SEMA6D: variants seen among roughly 807,000 people sequenced by gnomAD.
SEMA6D encodes the protein semaphorin 6D.
Under a neutral mutation model 106.6 loss-of-function variants are expected in SEMA6D, and 35 were observed. The observed-to-expected ratio is 0.33, with a 90% CI of 0.25 to 0.44. The LOEUF is 0.44. Among genes scored for constraint, SEMA6D ranks in the 20% least tolerant of loss-of-function variants. SEMA6D has a pLI of 1.00. For missense variants in SEMA6D, 1,185 were observed against 1,345.9 expected, an observed-to-expected ratio of 0.88 and a Z score of 1.87; for synonymous variants, 499 against 487.7, an observed-to-expected ratio of 1.02 and a Z score of -0.31.
intron 4 of SEMA6D, among the ~76,000 whole-genome samples, chr15:47,676,775 C>T (rs887751101): frequency 1.3e-5 from 2 of 152,170 alleles, no homozygotes; most frequent in African/African-American, 4.8e-5. Context: ...TATTCATTAT[C>T]TCTCATGGTT....
chr15:47,345,162 G>A (rs781664149), intron 1 of SEMA6D, among the ~76,000 whole-genome samples: 9 of 152,060 alleles, frequency 5.9e-5, no homozygotes, highest in Admixed American at 2.6e-4. Flanking sequence ...AATCTGTACG[G>A]TCAACACAAT....
At chr15:47,431,362 C>T (rs1160355044) in intron 2 of SEMA6D, among the ~76,000 whole-genome samples, 6 of 152,100 alleles carry the variant, frequency 3.9e-5, no homozygotes, top group Admixed American at 3.9e-4. Context: ...GAGCATAACA[C>T]TGTAGTTTAA....
At chr15:47,651,391 C>A (rs1221901477) in intron 4 of SEMA6D, among the ~76,000 whole-genome samples, 1 of 152,014 alleles carries the variant, frequency 6.6e-6, no homozygotes, top group East Asian at 1.9e-4. Context: ...GGCAACAGAG[C>A]AACACCCTGC....
At chr15:47,530,865 A>G (rs1467433386) in intron 3 of SEMA6D, among the ~76,000 whole-genome samples, 3 of 152,180 alleles carry the variant, frequency 2.0e-5, no homozygotes, top group South Asian at 4.1e-4. Context: ...TTCCTTGTCT[A>G]TAAAATGGGG....
chr15:47,732,790 TA>T (rs59337791), intron 1 of SEMA6D, among the ~76,000 whole-genome samples: 8 of 151,986 alleles, frequency 5.3e-5, no homozygotes, highest in South Asian at 4.2e-4. Flanking sequence ...ATTAGGCAAT[TA>T]AAAAAAATAA....
intron 4 of SEMA6D, among the ~76,000 whole-genome samples, chr15:47,677,254 C>T (rs1316955545): frequency 6.6e-6 from 1 of 152,160 alleles, no homozygotes; most frequent in Non-Finnish European, 1.5e-5. Context: ...TCTTGACTAA[C>T]AGTAGGTGCT....
chr15:47,716,160 CTCTTT>C (rs1224688805), upstream of SEMA6D, among the ~76,000 whole-genome samples: 2 of 152,220 alleles, frequency 1.3e-5, no homozygotes, highest in Admixed American at 6.5e-5. Context: ...CCGCCCCCTA[CTCTTT>C]TCTTCTAATT....
chr15:47,551,980 G>T (rs187765915), intron 3 of SEMA6D, among the ~76,000 whole-genome samples: 445 of 152,144 alleles, frequency 2.9e-3, no homozygotes, highest in African/African-American at 9.9e-3. Flanking sequence ...AAAAGTGCAT[G>T]CATTTTGACC....
At chr15:47,642,028 T>C (rs1280930601) in intron 4 of SEMA6D, among the ~76,000 whole-genome samples, 1 of 152,194 alleles carries the variant, frequency 6.6e-6, no homozygotes, top group Non-Finnish European at 1.5e-5. Context: ...TGCCACAAGG[T>C]AGCCACTCGG....
chr15:47,465,125 G>A (rs1400277615), intron 2 of SEMA6D, among the ~76,000 whole-genome samples: 6 of 152,118 alleles, frequency 3.9e-5, no homozygotes, highest in Admixed American at 2.0e-4. Context: ...GTAGGTACTC[G>A]ATAAACACAA....
intron 3 of SEMA6D, among the ~76,000 whole-genome samples, chr15:47,521,873 T>C (rs1426844404): frequency 6.6e-6 from 1 of 151,718 alleles, no homozygotes; most frequent in Non-Finnish European, 1.5e-5. Flanking sequence ...TAGTCCCAGC[T>C]ACTCGGGAGG....
chr15:47,724,510 G>C (rs985436579), intron 1 of SEMA6D, among the ~76,000 whole-genome samples: 4 of 152,188 alleles, frequency 2.6e-5, no homozygotes, highest in African/African-American at 9.7e-5. Flanking sequence ...AGGCTCTGTG[G>C]AGTCACTGAT....
At chr15:47,460,938 G>C (rs755948650) in intron 2 of SEMA6D, among the ~76,000 whole-genome samples, 1 of 152,020 alleles carries the variant, frequency 6.6e-6, no homozygotes, top group South Asian at 2.1e-4. Context: ...AGGCATGCTG[G>C]GTCCTGTCTG....
intron 1 of SEMA6D, among the ~76,000 whole-genome samples, chr15:47,257,059 T>TC (rs2033841902): frequency 1.3e-5 from 1 of 77,988 alleles, no homozygotes; most frequent in Non-Finnish European, 3.8e-5. Flanking sequence ...AGAACAGAAT[T>TC]CTTTTTTTTT....
intron 4 of SEMA6D, among the ~76,000 whole-genome samples, chr15:47,688,806 C>G (rs2078524917): frequency 6.6e-6 from 1 of 152,042 alleles, no homozygotes; most frequent in South Asian, 2.1e-4. Context: ...TGGTAAGGTC[C>G]CTAATGAGAG....
chr15:47,347,567 A>G (rs1258961010), intron 1 of SEMA6D, among the ~76,000 whole-genome samples: 1 of 143,296 alleles, frequency 7.0e-6, no homozygotes, highest in African/African-American at 2.8e-5. Flanking sequence ...GTTCAAAGTA[A>G]TAGTGCTTTA....
At position 47,567,955 on chromosome 15, in the gene SEMA6D, A is replaced by T. The variant is rs544235531; in HGVS notation, c.-86-32910A>T. ...CGAGAAACCCACATGGCCAATAAACATGAAATAAGGTTCTATGTCATTAGT... is the reference window on the plus strand; with the variant it reads ...CGAGAAACCCACATGGCCAATAAACTTGAAATAAGGTTCTATGTCATTAGT... On this transcript the variant is annotated intron_variant, in intron 3 of 19. Coordinates refer to the SEMA6D transcript ENST00000558014. Among the ~76,000 whole-genome samples, 3 of 152,322 alleles carry T rather than the reference A, an allele frequency of 2.0e-5. No homozygotes were observed. In the South Asian group the frequency reaches 6.2e-4, roughly 32 times the overall value.
chr15:47,765,127 G>A, intron 13 of SEMA6D, 71 bp downstream of exon 13: 1 of 1,550,406 alleles, frequency 6.4e-7, no homozygotes, highest in Non-Finnish European at 8.7e-7. Flanking sequence ...ATCTAGTCAT[G>A]TCCTTTTGGT....
At position 47,729,031 on chromosome 15, in the gene SEMA6D, T is replaced by C. The variant is rs78320097; in HGVS notation, c.-55+11339T>C. Among the ~76,000 whole-genome samples, 884 of 152,336 alleles carry C rather than the reference T, an allele frequency of 5.8e-3. 53 individuals carry two copies. In the South Asian group the frequency reaches 0.1, roughly 18 times the overall value. On this transcript the variant is annotated intron_variant, in intron 1 of 18. Coordinates refer to ENST00000536845, the MANE Select transcript of SEMA6D (RefSeq NM_001358351.3). ...ACGGCATGGACATCTTTGAGGGGTG[T>C]GGACATTATTCTTCCTCCCACAGTG... is the stretch of plus-strand genomic sequence containing the variant.
Sources: allele counts gnomAD v4.1 joint callset (sites outside exome capture counted in the v4.1 genomes callset), GRCh38; gene constraint gnomAD v4.1.1; transcripts MANE v1.5; gene names NCBI Gene and HGNC (gene_info 2026-07-23, HGNC 2026-07-21).